The following PRPSAP2 variants were observed in gnomAD, a reference collection of about 807,000 sequenced individuals.
The protein encoded by PRPSAP2 is phosphoribosyl pyrophosphate synthase-associated protein 2.
PRPSAP2 carries 24 observed loss-of-function variants against 40.6 expected under a neutral mutation model. The observed-to-expected ratio is 0.59, with a 90% CI of 0.43 to 0.83. The LOEUF (loss-of-function observed/expected upper bound fraction) is 0.83. PRPSAP2 is among the 40% of genes least tolerant of loss of function. The pLI is 0.00. For synonymous variants in PRPSAP2, 149 were observed against 164.7 expected (o/e 0.90, Z 0.73); for missense variants, 292 against 465.6 (o/e 0.63, Z 3.43).
intron 10 of PRPSAP2, among the ~76,000 whole-genome samples, chr17:18,927,770 C>CGTGT (rs542286230): frequency 4.7e-4 from 71 of 151,542 alleles, no homozygotes; most frequent in African/African-American, 1.5e-3. Context: ...TTTAAAGTAG[C>CGTGT]GTGTGTGTGT....
intron 9 of PRPSAP2, among the ~76,000 whole-genome samples, chr17:18,920,174 T>C (rs1411897118): frequency 2.6e-5 from 4 of 152,320 alleles, no homozygotes; most frequent in African/African-American, 9.6e-5. Flanking sequence ...GAAGAATATA[T>C]GTTCCTCTTC....
Position 18,897,651 on chromosome 17 carries a change from G to A in PRPSAP2, c.584+7774G>A, listed in dbSNP as rs183048626. On this transcript the variant is annotated intron_variant, in intron 8 of 11. Transcript: ENST00000268835. ...TAATTTTTGTATTCTTAGTAGAGATGGAGTTTTCACTATGTTGGCCAGGCT... is the reference window on the plus strand; with the variant it reads ...TAATTTTTGTATTCTTAGTAGAGATAGAGTTTTCACTATGTTGGCCAGGCT... 4.1e-3 allele frequency among the ~76,000 whole-genome samples: 619 copies of A among 152,060 alleles called. 2 individuals carry two copies. The highest frequency in any genetic ancestry group is 0.014 in the African/African-American group (599 of 41,488).
At chr17:18,893,098 C>T (rs933470037) in intron 8 of PRPSAP2, among the ~76,000 whole-genome samples, 20 of 150,648 alleles carry the variant, frequency 1.3e-4, no homozygotes, top group African/African-American at 4.6e-4. Flanking sequence ...TTTTCACTGT[C>T]TTGATGGTGT....
intron 9 of PRPSAP2, among the ~76,000 whole-genome samples, chr17:18,922,479 G>A (rs2041738739): frequency 6.6e-6 from 1 of 152,030 alleles, no homozygotes; most frequent in South Asian, 2.1e-4. Flanking sequence ...AGCCCAGTGG[G>A]CATAAAGTGG....
chr17:18,901,322 G>A (rs570830935), intron 8 of PRPSAP2, among the ~76,000 whole-genome samples: 2 of 152,014 alleles, frequency 1.3e-5, no homozygotes, highest in Admixed American at 6.6e-5. Context: ...AGCCACCACC[G>A]TGACGTTGCT....
At chr17:18,924,637 C>T (rs2041871545) in intron 10 of PRPSAP2, among the ~76,000 whole-genome samples, 1 of 151,842 alleles carries the variant, frequency 6.6e-6, no homozygotes, top group South Asian at 2.1e-4. Context: ...AACTTGGTGG[C>T]ACATACCTGC....
intron 7 of PRPSAP2, among the ~76,000 whole-genome samples, chr17:18,885,780 T>G (rs1278161250): frequency 6.6e-6 from 1 of 152,102 alleles, no homozygotes; most frequent in African/African-American, 2.4e-5. Context: ...AGAGACAGGG[T>G]TTCTCCTTGT....
At chr17:18,908,780 C>T (rs2040764197) in intron 8 of PRPSAP2, 9 of 695,586 alleles carry the variant, frequency 1.3e-5, no homozygotes, top group Admixed American at 4.3e-5. Flanking sequence ...CGGGCAAAAA[C>T]GATCATGCCA....
chr17:18,895,081 C>CT (rs35066217), intron 8 of PRPSAP2, among the ~76,000 whole-genome samples: 2,020 of 131,106 alleles, frequency 0.015, 49 homozygotes, highest in African/African-American at 0.049. Context: ...TAGATGTGTA[C>CT]TTTTTTTTTT....
chr17:18,863,831 CTTTT>C (rs34770102), intron 1 of PRPSAP2, among the ~76,000 whole-genome samples: 16 of 86,054 alleles, frequency 1.9e-4, no homozygotes, highest in East Asian at 1.6e-3. Flanking sequence ...ACTGCGTGGC[CTTTT>C]TTTTTTTTTT....
At chr17:18,886,605 G>A (rs868709749) in intron 7 of PRPSAP2, among the ~76,000 whole-genome samples, 1 of 151,866 alleles carries the variant, frequency 6.6e-6, no homozygotes, top group East Asian at 1.9e-4. Flanking sequence ...TGATCTGCCC[G>A]CCTCAGCCTC....
In PRPSAP2 at chr17:18,878,651, C is replaced by T. The variant is rs556524976; in HGVS notation, c.412+781C>T. The stretch of plus-strand genomic sequence containing the variant: ...TCGCTCACCACAACCTCCACCTCCC[C>T]GGTTCAAGCGATTCTCCTGCCTCAG... On this transcript the variant is annotated intron_variant, in intron 6 of 11. Transcript: ENST00000268835. Among the ~76,000 whole-genome samples the T allele has an allele frequency of 1.6e-4, 24 of 151,270 alleles. No homozygotes were observed. In the South Asian group the frequency reaches 4.6e-3, roughly 29 times the overall value.
intron 9 of PRPSAP2, among the ~76,000 whole-genome samples, chr17:18,923,172 C>T (rs199760805): frequency 1.8e-4 from 28 of 151,754 alleles, no homozygotes; most frequent in East Asian, 1.2e-3. Context: ...TCACTGCAAG[C>T]TCCACATCTC....
chr17:18,880,730 A>G (rs946007555), intron 6 of PRPSAP2, among the ~76,000 whole-genome samples: 1 of 151,752 alleles, frequency 6.6e-6, no homozygotes, highest in Non-Finnish European at 1.5e-5. Flanking sequence ...TTAAGACTGG[A>G]CTTTGCCATG....
At chr17:18,898,532 T>C (rs1336663854) in intron 8 of PRPSAP2, among the ~76,000 whole-genome samples, 1 of 152,230 alleles carries the variant, frequency 6.6e-6, no homozygotes, top group Non-Finnish European at 1.5e-5. Context: ...CTTTTCATTC[T>C]TGAAGGACAT....
chr17:18,897,311 T>A (rs1291386791), intron 8 of PRPSAP2, among the ~76,000 whole-genome samples: 1 of 152,164 alleles, frequency 6.6e-6, no homozygotes, highest in African/African-American at 2.4e-5. Flanking sequence ...CTCCTCAGAT[T>A]GTTGCAAGCT....
intron 5 of PRPSAP2, among the ~76,000 whole-genome samples, chr17:18,873,259 T>TCTCGGCTTACCGCAAC (rs146888042): frequency 0.52 from 75,786 of 145,266 alleles, 20,095 homozygotes; most frequent in Middle Eastern, 0.6. Flanking sequence ...AATGACGCGA[T>TCTCGGCTTACCGCAAC]CTCGGCTTAC....
At chr17:18,912,176 CCTT>C (rs1203445392) in intron 9 of PRPSAP2, among the ~76,000 whole-genome samples, 1 of 151,786 alleles carries the variant, frequency 6.6e-6, no homozygotes, top group African/African-American at 2.4e-5. Flanking sequence ...GAGTGAAACT[CCTT>C]CTCAGAAAAA....
chr17:18,923,052 GT>G (rs901677872), intron 9 of PRPSAP2, among the ~76,000 whole-genome samples: 172 of 150,052 alleles, frequency 1.1e-3, no homozygotes, highest in African/African-American at 3.9e-3. Context: ...TTCTGTAGGG[GT>G]TTTTTTTACT....
Sources: allele counts gnomAD v4.1 joint callset (sites outside exome capture counted in the v4.1 genomes callset), GRCh38; gene constraint gnomAD v4.1.1; transcripts MANE v1.5; gene names NCBI Gene and HGNC (gene_info 2026-07-23, HGNC 2026-07-21).